The following PTPRK variants were observed in gnomAD, a reference collection of about 807,000 sequenced individuals.
PTPRK encodes receptor-type tyrosine-protein phosphatase kappa.
PTPRK carries 75 observed loss-of-function variants against 178.0 expected under a neutral mutation model. The observed-to-expected ratio is 0.42, with a 90% CI of 0.35 to 0.51. The LOEUF is 0.51. Ranked by LOEUF, PTPRK falls within the 20% of genes least tolerant of loss-of-function variation. The probability of loss-of-function intolerance (pLI) is 0.02; values close to 1 mark genes in which losing one functional copy is unlikely to be tolerated. For missense variants in PTPRK, 1,441 were observed against 1,797.8 expected, an observed-to-expected ratio of 0.80 and a Z score of 3.59; for synonymous variants, 637 against 620.6, an observed-to-expected ratio of 1.03 and a Z score of -0.39.
intron 13 of PTPRK, among the ~76,000 whole-genome samples, chr6:128,029,408 C>T (rs1281398907): frequency 6.6e-6 from 1 of 151,962 alleles, no homozygotes; most frequent in African/African-American, 2.4e-5. Flanking sequence ...CCTGTAATCC[C>T]AGCACTCTGG....
At chr6:128,439,059 G>C (rs1263493046) in intron 1 of PTPRK, among the ~76,000 whole-genome samples, 1 of 152,064 alleles carries the variant, frequency 6.6e-6, no homozygotes, top group Non-Finnish European at 1.5e-5. Flanking sequence ...AAGTACTTTG[G>C]AGTGATCAAA....
intron 13 of PTPRK, chr6:128,063,424 A>G (rs1384237187): frequency 6.6e-6 from 1 of 152,206 alleles, no homozygotes; most frequent in Non-Finnish European, 1.5e-5. Context: ...TTAGGGTAAT[A>G]TATAGCTACC....
intron 7 of PTPRK, among the ~76,000 whole-genome samples, chr6:128,104,227 C>G (rs1211722174): frequency 2.0e-5 from 3 of 152,124 alleles, no homozygotes; most frequent in African/African-American, 7.2e-5. Flanking sequence ...TACATTCTGT[C>G]TTTCCTTTTC....
chr6:128,063,618 T>A (rs898220202), intron 13 of PTPRK: 5 of 152,250 alleles, frequency 3.3e-5, no homozygotes, highest in African/African-American at 1.2e-4. Flanking sequence ...GCTAAATTTT[T>A]AAAATAAAAT....
At chr6:128,411,656 A>C (rs188720772) in intron 1 of PTPRK, among the ~76,000 whole-genome samples, 4 of 152,374 alleles carry the variant, frequency 2.6e-5, no homozygotes, top group Admixed American at 2.6e-4. Context: ...AAGGGGACTA[A>C]TGAAAATATT....
At chr6:128,061,070 T>C (rs1780722118) in intron 13 of PTPRK, among the ~76,000 whole-genome samples, 1 of 152,220 alleles carries the variant, frequency 6.6e-6, no homozygotes, top group Non-Finnish European at 1.5e-5. Flanking sequence ...TAGTGATGTA[T>C]AAGACTATTA....
At chr6:128,334,496 A>C (rs1172947583) in intron 2 of PTPRK, among the ~76,000 whole-genome samples, 1 of 152,190 alleles carries the variant, frequency 6.6e-6, no homozygotes, top group African/African-American at 2.4e-5. Flanking sequence ...ACTAATAACA[A>C]TTATAACTAT....
At chr6:128,304,648 A>C (rs1176565126) in intron 3 of PTPRK, among the ~76,000 whole-genome samples, 1 of 152,170 alleles carries the variant, frequency 6.6e-6, no homozygotes, top group Non-Finnish European at 1.5e-5. Flanking sequence ...CCAATTGCTA[A>C]GTTTAATAAC....
intron 1 of PTPRK, among the ~76,000 whole-genome samples, chr6:128,468,927 A>G (rs1216666763): frequency 2.7e-5 from 4 of 149,136 alleles, no homozygotes; most frequent in Non-Finnish European, 5.9e-5. Context: ...TTTTCAAAAA[A>G]AAAAAAAAAA....
At chr6:128,317,313 G>A (rs979836004) in intron 3 of PTPRK, among the ~76,000 whole-genome samples, 3 of 152,022 alleles carry the variant, frequency 2.0e-5, no homozygotes, top group Non-Finnish European at 4.4e-5. Flanking sequence ...AAACATGAAA[G>A]TATCCAGCCT....
chr6:128,309,311 T>C (rs1826898007), intron 3 of PTPRK, among the ~76,000 whole-genome samples: 3 of 152,022 alleles, frequency 2.0e-5, no homozygotes. Context: ...TGGTTCCTCT[T>C]GGAAGAGGAG....
At chr6:128,022,897 A>G (rs796285005) in intron 13 of PTPRK, among the ~76,000 whole-genome samples, 6 of 152,338 alleles carry the variant, frequency 3.9e-5, no homozygotes, top group African/African-American at 1.4e-4. Context: ...TATCAAGTTT[A>G]CACATACTTA....
At chr6:128,418,355 C>T (rs1285575023) in intron 1 of PTPRK, among the ~76,000 whole-genome samples, 1 of 152,214 alleles carries the variant, frequency 6.6e-6, no homozygotes, top group Non-Finnish European at 1.5e-5. Flanking sequence ...TGGTACATGT[C>T]TGTGGCTTGT....
At chr6:128,493,294 G>A (rs1854109111) in intron 1 of PTPRK, among the ~76,000 whole-genome samples, 1 of 152,154 alleles carries the variant, frequency 6.6e-6, no homozygotes, top group Admixed American at 6.5e-5. Flanking sequence ...TGGGCGCGGT[G>A]GCTCACGCCT....
intron 13 of PTPRK, among the ~76,000 whole-genome samples, chr6:128,057,576 C>T (rs1780113604): frequency 6.6e-6 from 1 of 152,166 alleles, no homozygotes. Flanking sequence ...CATGTGCTGT[C>T]CCAATTCCAT....
chr6:128,073,488 A>G (rs1419956532), intron 11 of PTPRK, among the ~76,000 whole-genome samples: 2 of 152,032 alleles, frequency 1.3e-5, no homozygotes, highest in Admixed American at 6.6e-5. Context: ...AAGAAAGAGA[A>G]GATTTATACT....
intron 21 of PTPRK, among the ~76,000 whole-genome samples, chr6:127,988,103 T>G (rs1776176197): frequency 6.6e-6 from 1 of 152,042 alleles, no homozygotes; most frequent in Admixed American, 6.5e-5. Flanking sequence ...AATTCACTAC[T>G]AGATCCAAAT....
At chr6:128,281,808 T>A (rs549367986) in intron 3 of PTPRK, among the ~76,000 whole-genome samples, 31 of 152,302 alleles carry the variant, frequency 2.0e-4, no homozygotes, top group African/African-American at 7.2e-4. Flanking sequence ...CCAGTGGCCA[T>A]ATACTTATAC....
intron 1 of PTPRK, among the ~76,000 whole-genome samples, chr6:128,464,641 A>ATATATATATATATGTATATG (rs1554271860): frequency 1.5e-5 from 1 of 64,606 alleles, no homozygotes; most frequent in African/African-American, 9.5e-5. Flanking sequence ...ATATACACAT[A>ATATATATATATATGTATATG]TATATATATA....
Sources: allele counts gnomAD v4.1 joint callset (sites outside exome capture counted in the v4.1 genomes callset), GRCh38; gene constraint gnomAD v4.1.1; transcripts MANE v1.5; gene names NCBI Gene and HGNC (gene_info 2026-07-23, HGNC 2026-07-21).